SUPT16H: variants seen among roughly 807,000 people sequenced by gnomAD.
The protein encoded by SUPT16H is FACT complex subunit SPT16.
In SUPT16H, 24 loss-of-function variants were observed where a neutral mutation model predicts 136.2. The observed-to-expected ratio is 0.18, with a 90% CI of 0.13 to 0.25. The LOEUF (loss-of-function observed/expected upper bound fraction) is 0.25. SUPT16H is among the 10% of genes least tolerant of loss of function. The pLI, the probability that SUPT16H is intolerant of heterozygous loss-of-function variation, is 1.00. For synonymous variants in SUPT16H, 415 were observed against 428.2 expected, an observed-to-expected ratio of 0.97 and a Z score of 0.38; for missense variants, 623 against 1,270.2, an observed-to-expected ratio of 0.49 and a Z score of 7.74.
intron 22 of SUPT16H, 97 bp from the exon 23 acceptor site, chr14:21,354,637 G>A: frequency 1.4e-6 from 2 of 1,471,088 alleles, no homozygotes; most frequent in Non-Finnish European, 1.8e-6. Flanking sequence ...TGTTGCCCAG[G>A]CTGGAGTGCA....
chr14:21,363,916 T>C (rs1212073231), intron 10 of SUPT16H, among the ~76,000 whole-genome samples: 2 of 152,136 alleles, frequency 1.3e-5, no homozygotes, highest in Non-Finnish European at 2.9e-5. Flanking sequence ...TGACCTCAGG[T>C]GATCCACCTG....
chr14:21,369,953 G>A, intron 4 of SUPT16H, 57 bp from the exon 5 acceptor site: 4 of 1,580,704 alleles, frequency 2.5e-6, no homozygotes, highest in Non-Finnish European at 3.5e-6. Context: ...CAAAATAAAT[G>A]CATCTCTCCA....
chr14:21,369,707 T>C (rs900029458), intron 5 of SUPT16H, 43 bp downstream of exon 5: 12 of 1,609,804 alleles, frequency 7.5e-6, no homozygotes, highest in Middle Eastern at 3.7e-4. Flanking sequence ...GACTTATTAC[T>C]GCTTCATTAA....
chr14:21,376,391 A>G (rs1886902155), intron 1 of SUPT16H, among the ~76,000 whole-genome samples: 1 of 152,176 alleles, frequency 6.6e-6, no homozygotes, highest in Non-Finnish European at 1.5e-5. Flanking sequence ...TATAAAGTCA[A>G]GATAAATGCA....
At chr14:21,359,655 G>T (rs1175154698) in intron 18 of SUPT16H, 46 bp from the exon 19 acceptor site, 4 of 1,594,952 alleles carry the variant, frequency 2.5e-6, no homozygotes, top group Non-Finnish European at 3.4e-6. Context: ...AAACACAAAG[G>T]TATCTGTGAT....
At chr14:21,383,384 C>G (rs1255101120) in intron 1 of SUPT16H, 4 of 478,114 alleles carry the variant, frequency 8.4e-6, no homozygotes, top group Non-Finnish European at 7.4e-6. Flanking sequence ...CCAGCAAAAG[C>G]CCCGCAAACG....
In SUPT16H at chr14:21,361,072, G is replaced by A; in HGVS notation, c.1929+6C>T. On this transcript the variant is annotated splice_donor_region_variant and intron_variant, in intron 16 of 25. Transcript: ENST00000216297. ...GTAAGAATGTTTTGCCTGTGTTCAG[G>A]CTCACCTCCTTCTCTTTCTCTTCAG... 6.2e-7 allele frequency: 1 copy of A among 1,613,606 alleles called. No homozygotes were observed. Among genetic ancestry groups the A allele is most frequent in the Non-Finnish European group, 8.5e-7 (1 of 1,179,892 alleles).
chr14:21,363,607 A>G, intron 10 of SUPT16H, 104 bp from the exon 11 acceptor site: 1 of 895,326 alleles, frequency 1.1e-6, no homozygotes, highest in Non-Finnish European at 1.8e-6. Context: ...GGACACTAAA[A>G]TGTTTGACAA....
chr14:21,363,431 T>C lies in SUPT16H; in HGVS notation c.1299+7A>G. ...CTTCCTATACTACTTATCTATCTTCTTCCTACCTTTAGGAAAATCCCCACA... is the reference window on the plus strand; with the variant it reads ...CTTCCTATACTACTTATCTATCTTCCTCCTACCTTTAGGAAAATCCCCACA... On this transcript the variant is annotated splice_region_variant and intron_variant, in intron 11 of 25. Transcript: ENST00000216297. 2 of 1,613,740 alleles carry C rather than the reference T, an allele frequency of 1.2e-6. No individual in the cohort carries two copies. The highest frequency in any genetic ancestry group is 1.1e-5 in the South Asian group (1 of 91,034).
At chr14:21,369,393 A>C in intron 5 of SUPT16H, 38 bp from the exon 6 acceptor site, 1 of 1,612,598 alleles carries the variant, frequency 6.2e-7, no homozygotes. Context: ...CACTTACTAG[A>C]GGGTAGCAAA....
chr14:21,383,739 G>C (rs1887101998), intron 1 of SUPT16H, 123 bp downstream of exon 1: 1 of 1,140,042 alleles, frequency 8.8e-7, no homozygotes, highest in African/African-American at 1.5e-5. Flanking sequence ...CGGGAGCAAC[G>C]AAAAGGGTGA....
rs769632195 is a variant in SUPT16H, at chr14:21,369,807, A to G, written c.573T>C (p.Ser191=). ...NLMKKAASIT[S]EVFNKFFKER... ...CCTTGAAGAATTTGTTGAAGACTTCAGAAGTGATGCTGGCTGCTTTCTTCA... is the reference window on the plus strand; with the variant it reads ...CCTTGAAGAATTTGTTGAAGACTTCGGAAGTGATGCTGGCTGCTTTCTTCA... The change falls in exon 5 of 26, where the codon TCT becomes TCC. Residue 191 remains serine (S), a synonymous_variant. Coordinates refer to ENST00000216297, the MANE Select transcript of SUPT16H (RefSeq NM_007192.4). The G allele has an allele frequency of 1.2e-6, 2 of 1,614,200 alleles. No homozygotes were observed. Among genetic ancestry groups the G allele is most frequent in the Non-Finnish European group, 1.7e-6 (2 of 1,180,026 alleles).
At chr14:21,378,962 GTGC>G (rs1302573312) in intron 1 of SUPT16H, among the ~76,000 whole-genome samples, 2 of 152,164 alleles carry the variant, frequency 1.3e-5, no homozygotes. Context: ...TGGAGAAATA[GTGC>G]AGCAGCAGAA....
chr14:21,383,743 A>C (rs750939505), intron 1 of SUPT16H, 119 bp downstream of exon 1: 18 of 1,157,998 alleles, frequency 1.6e-5, no homozygotes, highest in Non-Finnish European at 2.1e-5. Context: ...AGCAACGAAA[A>C]GGGTGAGGCA....
chr14:21,374,491 C>T (rs865808293), intron 1 of SUPT16H, among the ~76,000 whole-genome samples: 5 of 152,344 alleles, frequency 3.3e-5, no homozygotes, highest in South Asian at 2.1e-4. Context: ...AATCATTCCC[C>T]AACTCCCCTA....
chr14:21,359,143 G>A (rs1886497006), intron 19 of SUPT16H, among the ~76,000 whole-genome samples: 1 of 151,876 alleles, frequency 6.6e-6, no homozygotes, highest in Non-Finnish European at 1.5e-5. Context: ...TGTCGCCCAG[G>A]CTGGAGTGCA....
At chr14:21,360,772 T>A (rs1399428751) in intron 17 of SUPT16H, 74 bp downstream of exon 17, 5 of 1,551,732 alleles carry the variant, frequency 3.2e-6, no homozygotes, top group Non-Finnish European at 4.3e-6. Flanking sequence ...TTGTCATATT[T>A]TATTATCTGA....
At chr14:21,372,114 A>C in intron 2 of SUPT16H, 70 bp from the exon 3 acceptor site, 1 of 1,475,292 alleles carries the variant, frequency 6.8e-7, no homozygotes, top group Non-Finnish European at 9.1e-7. Context: ...ATAGATATAC[A>C]GAAATACTTA....
At chr14:21,366,032 G>A (rs1472725510) in intron 8 of SUPT16H, among the ~76,000 whole-genome samples, 1 of 152,182 alleles carries the variant, frequency 6.6e-6, no homozygotes, top group Non-Finnish European at 1.5e-5. Context: ...AGCCCAGAAG[G>A]TCTAGACTGC....
Sources: allele counts gnomAD v4.1 joint callset (sites outside exome capture counted in the v4.1 genomes callset), GRCh38; gene constraint gnomAD v4.1.1; transcripts MANE v1.5; gene names NCBI Gene and HGNC (gene_info 2026-07-23, HGNC 2026-07-21).